Variants in ATG10 observed in about 807,000 individuals in gnomAD.
The protein encoded by ATG10 is ubiquitin-like-conjugating enzyme ATG10.
A neutral mutation model predicts 32.1 loss-of-function variants in ATG10; 30 were observed. The observed-to-expected ratio is 0.94, with a 90% CI of 0.70 to 1.27. The LOEUF is 1.27. ATG10 is among the 50% of genes most tolerant of loss of function. The pLI, the probability that ATG10 is intolerant of heterozygous loss-of-function variation, is 0.00. For synonymous variants in ATG10, 87 were observed against 91.5 expected (o/e 0.95, Z 0.28); for missense variants, 233 against 262.3 (o/e 0.89, Z 0.77).
intron 3 of ATG10, among the ~76,000 whole-genome samples, chr5:82,083,548 AC>A (rs74847526): frequency 3.9e-5 from 6 of 152,102 alleles, no homozygotes; most frequent in Non-Finnish European, 5.9e-5. Flanking sequence ...TGGGTCCCTG[AC>A]CCCTGAGTAG....
chr5:82,118,377 AATATATGTACATATATATATAT>A (rs1399862155), intron 3 of ATG10, among the ~76,000 whole-genome samples: 4 of 31,420 alleles, frequency 1.3e-4, no homozygotes, highest in African/African-American at 3.6e-4. Context: ...ATATACATAT[AATATATGTACATATATATATAT>A]ATATATGTAT....
intron 5 of ATG10, among the ~76,000 whole-genome samples, chr5:82,203,949 A>G (rs1581799809): frequency 6.6e-6 from 1 of 152,348 alleles, no homozygotes; most frequent in African/African-American, 2.4e-5. Context: ...TGAGGTACTC[A>G]ATAACAGAAT....
chr5:82,137,618 C>T (rs537767959), intron 3 of ATG10, among the ~76,000 whole-genome samples: 1 of 152,282 alleles, frequency 6.6e-6, no homozygotes, highest in Admixed American at 6.5e-5. Context: ...TGTCAGATGC[C>T]AGCCAGAGCT....
At chr5:82,223,737 G>T (rs141692243) in intron 5 of ATG10, among the ~76,000 whole-genome samples, 118 of 152,194 alleles carry the variant, frequency 7.8e-4, no homozygotes, top group African/African-American at 2.8e-3. Flanking sequence ...GATGTTACAG[G>T]CACATATATA....
chr5:82,015,637 C>A (rs1237455818), intron 2 of ATG10, among the ~76,000 whole-genome samples: 1 of 151,946 alleles, frequency 6.6e-6, no homozygotes, highest in Non-Finnish European at 1.5e-5. Flanking sequence ...GAAGCTTGTG[C>A]ATTCATCATA....
chr5:82,228,112 T>C (rs1368888931), intron 5 of ATG10, among the ~76,000 whole-genome samples: 1 of 150,884 alleles, frequency 6.6e-6, no homozygotes, highest in African/African-American at 2.4e-5. Context: ...GAAGCTGAGG[T>C]GGGAGGATCG....
chr5:82,130,297 C>A (rs937021462), intron 3 of ATG10, among the ~76,000 whole-genome samples: 3 of 152,106 alleles, frequency 2.0e-5, no homozygotes, highest in Non-Finnish European at 4.4e-5. Context: ...TGGTGGGATC[C>A]ACTGAGCAAG....
At position 81,984,295 on chromosome 5, in the gene ATG10, C is replaced by T. The variant is rs112423859; in HGVS notation, c.-12-3264C>T. Reference sequence around the variant, plus strand: ...TACGAAAACCAGTCAGGCCTGGCGGCGCGCGCCTGCAATCGCAGGCACTCC... The same window carrying T: ...TACGAAAACCAGTCAGGCCTGGCGGTGCGCGCCTGCAATCGCAGGCACTCC... On this transcript the variant is annotated intron_variant, in intron 1 of 7. Transcript: ENST00000282185. Among the ~76,000 whole-genome samples the T allele has an allele frequency of 2.8e-3, 432 of 152,358 alleles. 1 individual carries two copies. The highest frequency in any genetic ancestry group is 3.5e-3 in the Non-Finnish European group (236 of 68,026).
chr5:82,144,643 CTAATT>C (rs1767275790), intron 3 of ATG10, among the ~76,000 whole-genome samples: 1 of 151,522 alleles, frequency 6.6e-6, no homozygotes, highest in Non-Finnish European at 1.5e-5. Context: ...TCACTTATTT[CTAATT>C]TAATTTATTT....
intron 2 of ATG10, among the ~76,000 whole-genome samples, chr5:82,023,389 A>G (rs900332254): frequency 6.6e-6 from 1 of 152,216 alleles, no homozygotes; most frequent in East Asian, 1.9e-4. Flanking sequence ...ACAGATTTAT[A>G]TAGTAATTGT....
chr5:82,023,496 A>T (rs1762506913), intron 2 of ATG10, among the ~76,000 whole-genome samples: 1 of 152,258 alleles, frequency 6.6e-6, no homozygotes, highest in South Asian at 2.1e-4. Context: ...AGTTTAGAAT[A>T]CATTAAATAA....
chr5:82,182,272 T>C (rs1292790079), intron 5 of ATG10, among the ~76,000 whole-genome samples: 1 of 152,160 alleles, frequency 6.6e-6, no homozygotes, highest in African/African-American at 2.4e-5. Flanking sequence ...GTAGAGATAA[T>C]TGTGTAATGT....
intron 3 of ATG10, among the ~76,000 whole-genome samples, chr5:82,120,035 C>T (rs558178830): frequency 1.3e-5 from 2 of 150,818 alleles, no homozygotes; most frequent in South Asian, 2.1e-4. Flanking sequence ...CGCACATACC[C>T]GTGAAGATCT....
chr5:81,977,366 C>G (rs1448158707), intron 1 of ATG10, among the ~76,000 whole-genome samples: 1 of 152,164 alleles, frequency 6.6e-6, no homozygotes, highest in Non-Finnish European at 1.5e-5. Context: ...TTACAGACAA[C>G]TCTTCACTGT....
At chr5:82,110,939 C>T (rs909837174) in intron 3 of ATG10, among the ~76,000 whole-genome samples, 3 of 151,958 alleles carry the variant, frequency 2.0e-5, no homozygotes. Flanking sequence ...ATAAGTGCTT[C>T]TTTACTACAC....
At chr5:82,101,116 G>C (rs545069232) in intron 3 of ATG10, among the ~76,000 whole-genome samples, 2 of 152,252 alleles carry the variant, frequency 1.3e-5, no homozygotes, top group East Asian at 3.9e-4. Flanking sequence ...CAGTATGTGA[G>C]TTAGGAATTA....
chr5:82,178,695 A>G (rs1744126383), intron 5 of ATG10, 108 bp downstream of exon 5: 4 of 681,596 alleles, frequency 5.9e-6, no homozygotes, highest in Non-Finnish European at 9.9e-6. Flanking sequence ...TCACTTGTCT[A>G]TATCTTTACA....
At chr5:81,972,998 T>C (rs1042191558) in intron 1 of ATG10, among the ~76,000 whole-genome samples, 4 of 152,168 alleles carry the variant, frequency 2.6e-5, no homozygotes, top group African/African-American at 9.7e-5. Context: ...CATGATGATA[T>C]TGATTAGGGC....
intron 2 of ATG10, 107 bp downstream of exon 2, chr5:81,987,785 A>C (rs1042676210): frequency 4.1e-5 from 32 of 774,556 alleles, no homozygotes; most frequent in Non-Finnish European, 5.9e-5. Flanking sequence ...AAGGTATGAA[A>C]ACTGGTTTGA....
Sources: allele counts gnomAD v4.1 joint callset (sites outside exome capture counted in the v4.1 genomes callset), GRCh38; gene constraint gnomAD v4.1.1; transcripts MANE v1.5; gene names NCBI Gene and HGNC (gene_info 2026-07-23, HGNC 2026-07-21).